Variants in PLCH1 observed in about 807,000 individuals in gnomAD.
The protein encoded by PLCH1 is phospholipase C eta 1, also known as 1-phosphatidylinositol 4,5-bisphosphate phosphodiesterase eta-1.
PLCH1 carries 60 observed loss-of-function variants against 126.7 expected under a neutral mutation model. The ratio of observed to expected loss-of-function variants is 0.47; its 90% confidence interval spans 0.38 to 0.59. PLCH1 has a LOEUF of 0.59. Ranked by LOEUF, PLCH1 falls within the 20% of genes least tolerant of loss-of-function variation. The probability of loss-of-function intolerance (pLI) is 0.00; values close to 1 mark genes in which losing one functional copy is unlikely to be tolerated. For missense variants in PLCH1, 1,723 were observed against 2,040.0 expected, an observed-to-expected ratio of 0.84 and a Z score of 2.99; for synonymous variants, 719 against 734.9, an observed-to-expected ratio of 0.98 and a Z score of 0.35.
At chr3:155,459,671 A>G (rs1342067426) in intron 21 of PLCH1, among the ~76,000 whole-genome samples, 1 of 152,138 alleles carries the variant, frequency 6.6e-6, no homozygotes, top group East Asian at 1.9e-4. Context: ...TACCAGCATC[A>G]CTGAGAACCC....
At chr3:155,590,440 T>C (rs1283530238) in intron 4 of PLCH1, among the ~76,000 whole-genome samples, 3 of 151,844 alleles carry the variant, frequency 2.0e-5, no homozygotes, top group Non-Finnish European at 4.4e-5. Flanking sequence ...TAGCCGGGCG[T>C]GGTGGCGGGC....
At chr3:155,541,723 A>G (rs967542586) in intron 10 of PLCH1, among the ~76,000 whole-genome samples, 9 of 152,218 alleles carry the variant, frequency 5.9e-5, no homozygotes, top group African/African-American at 2.2e-4. Flanking sequence ...AATTACCAAA[A>G]TGTGACACAG....
chr3:155,661,238 CAG>C (rs987542325), intron 2 of PLCH1, among the ~76,000 whole-genome samples: 1 of 152,082 alleles, frequency 6.6e-6, no homozygotes, highest in African/African-American at 2.4e-5. Flanking sequence ...GTGCTCAGAC[CAG>C]AGAGATAGAG....
intron 2 of PLCH1, among the ~76,000 whole-genome samples, chr3:155,687,338 A>G (rs1745030077): frequency 6.6e-6 from 1 of 152,190 alleles, no homozygotes; most frequent in Non-Finnish European, 1.5e-5. Flanking sequence ...GACCTTGGAA[A>G]AAAGAAAAAA....
intron 6 of PLCH1, among the ~76,000 whole-genome samples, chr3:155,568,754 C>CTCTGTG (rs1553840963): frequency 6.8e-6 from 1 of 147,182 alleles, no homozygotes; most frequent in Non-Finnish European, 1.5e-5. Flanking sequence ...AAATGTACCT[C>CTCTGTG]TGTGTGTGTG....
intron 6 of PLCH1, among the ~76,000 whole-genome samples, chr3:155,579,823 CCAGT>C (rs1730427235): frequency 6.6e-6 from 1 of 152,070 alleles, no homozygotes; most frequent in Non-Finnish European, 1.5e-5. Context: ...TGAGGGAAAA[CCAGT>C]CTGTCTGCCT....
intron 2 of PLCH1, among the ~76,000 whole-genome samples, chr3:155,634,474 G>T (rs1738484670): frequency 6.6e-6 from 1 of 152,170 alleles, no homozygotes; most frequent in Non-Finnish European, 1.5e-5. Context: ...AAACCATGGG[G>T]CTTCAGGTCA....
chr3:155,678,145 AACTTTTTATGTGCTC>A (rs1744238021), intron 2 of PLCH1, among the ~76,000 whole-genome samples: 1 of 152,190 alleles, frequency 6.6e-6, no homozygotes, highest in Non-Finnish European at 1.5e-5. Context: ...GAAGGGGACA[AACTTTTTATGTGCTC>A]ACTTTACCCA....
rs1727234419 is a variant in PLCH1, at chr3:155,559,164, A to G, written c.1070-4968T>C. Among the ~76,000 whole-genome samples the G allele has an allele frequency of 2.0e-5, 3 of 152,146 alleles. No homozygotes were observed. The South Asian group carries it at 6.2e-4, about 32-fold the overall frequency. ...TTTCTGGAGAACAGTGCAATTCAAG[A>G]GTCAGACCAACCTGAGTTCAAATCC... On this transcript the variant is annotated intron_variant, in intron 8 of 22. Coordinates refer to ENST00000460012, the MANE Select transcript of PLCH1 (RefSeq NM_014996.4).
intron 10 of PLCH1, among the ~76,000 whole-genome samples, chr3:155,539,266 AAGC>A (rs1452931899): frequency 6.6e-6 from 1 of 152,144 alleles, no homozygotes; most frequent in Admixed American, 6.5e-5. Context: ...AAGGTAATAA[AAGC>A]CATCTATGAC....
intron 11 of PLCH1, among the ~76,000 whole-genome samples, chr3:155,515,710 C>T (rs1011473288): frequency 1.3e-5 from 2 of 152,212 alleles, no homozygotes; most frequent in South Asian, 2.1e-4. Context: ...CCCCAGCCTC[C>T]GTTCATAGCT....
intron 2 of PLCH1, among the ~76,000 whole-genome samples, chr3:155,612,362 A>C (rs1182756519): frequency 6.6e-6 from 1 of 151,462 alleles, no homozygotes; most frequent in Non-Finnish European, 1.5e-5. Context: ...GAAACTTCAT[A>C]GCATTAAATG....
At chr3:155,535,874 C>T (rs1292206942) in intron 10 of PLCH1, among the ~76,000 whole-genome samples, 6 of 152,160 alleles carry the variant, frequency 3.9e-5, no homozygotes, top group African/African-American at 9.7e-5. Context: ...AACCAGCATT[C>T]GAGAAAACCA....
chr3:155,530,086 C>T (rs1459726655), intron 10 of PLCH1, among the ~76,000 whole-genome samples: 1 of 152,068 alleles, frequency 6.6e-6, no homozygotes, highest in Non-Finnish European at 1.5e-5. Flanking sequence ...ACTAAGTTTG[C>T]TCCATTGATT....
chr3:155,735,800 TA>T (rs1749140342), intron 1 of PLCH1, among the ~76,000 whole-genome samples: 1 of 151,984 alleles, frequency 6.6e-6, no homozygotes, highest in Non-Finnish European at 1.5e-5. Context: ...TTAAAGAAAA[TA>T]AATAGTTTAA....
intron 1 of PLCH1, among the ~76,000 whole-genome samples, chr3:155,724,889 A>G (rs772122876): frequency 1.3e-5 from 2 of 148,952 alleles, no homozygotes; most frequent in African/African-American, 5.0e-5. Flanking sequence ...TTTATGCTTT[A>G]AGAAGGTTCT....
intron 6 of PLCH1, among the ~76,000 whole-genome samples, chr3:155,578,418 A>G (rs186216949): frequency 2.0e-5 from 3 of 152,370 alleles, no homozygotes; most frequent in Non-Finnish European, 4.4e-5. Context: ...TGATTATGAT[A>G]CTAAGGTAAA....
At chr3:155,714,090 A>T (rs1559957967) in intron 1 of PLCH1, among the ~76,000 whole-genome samples, 2 of 152,226 alleles carry the variant, frequency 1.3e-5, no homozygotes, top group Non-Finnish European at 2.9e-5. Context: ...AGGCATAGAA[A>T]AACAGGTCTC....
At chr3:155,460,792 A>C (rs1442468711) in intron 21 of PLCH1, among the ~76,000 whole-genome samples, 1 of 28,084 alleles carries the variant, frequency 3.6e-5, no homozygotes, top group Non-Finnish European at 7.4e-5. Flanking sequence ...TATAGAAGAT[A>C]GATAGATAGA....
Sources: allele counts gnomAD v4.1 joint callset (sites outside exome capture counted in the v4.1 genomes callset), GRCh38; gene constraint gnomAD v4.1.1; transcripts MANE v1.5; gene names NCBI Gene and HGNC (gene_info 2026-07-23, HGNC 2026-07-21).